Variants in DLGAP4 observed in about 807,000 individuals in gnomAD.
DLGAP4 encodes the protein disks large-associated protein 4.
In DLGAP4, 18 loss-of-function variants were observed where a neutral mutation model predicts 86.9. The observed-to-expected ratio is 0.21, with a 90% CI of 0.14 to 0.31. The LOEUF is 0.31. DLGAP4 is among the 10% of genes least tolerant of loss of function. The pLI is 1.00. For synonymous variants in DLGAP4, 548 were observed against 574.3 expected (o/e 0.95, Z 0.65); for missense variants, 1,085 against 1,362.6 (o/e 0.80, Z 3.21).
chr20:36,381,240 C>G (rs2031382129), intron 2 of DLGAP4, among the ~76,000 whole-genome samples: 2 of 152,240 alleles, frequency 1.3e-5, no homozygotes, highest in Non-Finnish European at 2.9e-5. Context: ...ATGACAGTGA[C>G]AGTCCCTGCC....
chr20:36,506,082 T>C (rs1381107553), intron 10 of DLGAP4, among the ~76,000 whole-genome samples: 2 of 152,192 alleles, frequency 1.3e-5, no homozygotes, highest in African/African-American at 4.8e-5. Context: ...AAACTTAGTG[T>C]ATATTTTACT....
intron 1 of DLGAP4, among the ~76,000 whole-genome samples, chr20:36,346,584 G>A (rs2029948068): frequency 6.6e-6 from 1 of 152,030 alleles, no homozygotes; most frequent in African/African-American, 2.4e-5. Context: ...GGGATGAGCT[G>A]GTAGATGATA....
chr20:36,324,346 G>C (rs1271966783), intron 1 of DLGAP4, among the ~76,000 whole-genome samples: 1 of 152,082 alleles, frequency 6.6e-6, no homozygotes, highest in Non-Finnish European at 1.5e-5. Flanking sequence ...AGAATCACTT[G>C]AACCCGGGAG....
chr20:36,431,961 G>C lies in DLGAP4; in HGVS notation c.244G>C (p.Val82Leu). The change falls in exon 3 of 13, where the codon GTG becomes CTG. Residue 82 changes from valine to leucine, a missense_variant. This residue lies in a region of DLGAP4 where 1,082 missense variants were observed against 1,344.1 expected (regional missense o/e 0.81). Coordinates refer to ENST00000339266, the MANE Select transcript of DLGAP4 (RefSeq NM_001365621.2). The surrounding 1 kb of genome is among the most constrained non-coding windows in gnomAD (Gnocchi z 5.1). ...PRIHYNSHFE[V>L]PEESPFPSHA... ...CATCCACTACAACTCCCACTTCGAG[G>C]TGCCAGAGGAGAGCCCCTTCCCCAG... is the stretch of plus-strand genomic sequence containing the variant. The C allele has an allele frequency of 1.9e-6, 3 of 1,614,144 alleles. No individual in the cohort carries two copies. Among genetic ancestry groups the C allele is most frequent in the Non-Finnish European group, 2.5e-6 (3 of 1,180,016 alleles).
At chr20:36,456,458 G>A (rs1376924596) in intron 7 of DLGAP4, among the ~76,000 whole-genome samples, 1 of 152,218 alleles carries the variant, frequency 6.6e-6, no homozygotes, top group Non-Finnish European at 1.5e-5. Flanking sequence ...TGGTGCAGTG[G>A]TCTAGGTAAG....
intron 10 of DLGAP4, among the ~76,000 whole-genome samples, chr20:36,514,792 A>G (rs566969709): frequency 6.9e-4 from 105 of 152,192 alleles, no homozygotes; most frequent in African/African-American, 2.3e-3. Context: ...AAGGGAGCTT[A>G]TTATGCTGGA....
intron 7 of DLGAP4, among the ~76,000 whole-genome samples, chr20:36,491,426 T>C (rs1305018363): frequency 6.6e-6 from 1 of 152,028 alleles, no homozygotes; most frequent in Non-Finnish European, 1.5e-5. Flanking sequence ...ATGAGGGACC[T>C]GCATGGCTGA....
chr20:36,400,929 G>A (rs1358199476), intron 2 of DLGAP4, among the ~76,000 whole-genome samples: 1 of 152,150 alleles, frequency 6.6e-6, no homozygotes, highest in African/African-American at 2.4e-5. Context: ...GGAATCAGAG[G>A]TGAGGGGCAA....
chr20:36,391,171 C>G (rs953777000), intron 2 of DLGAP4, among the ~76,000 whole-genome samples: 3 of 152,140 alleles, frequency 2.0e-5, no homozygotes, highest in African/African-American at 7.2e-5. Flanking sequence ...GCCCCCGACA[C>G]CCTGGCCTCA....
intron 1 of DLGAP4, among the ~76,000 whole-genome samples, chr20:36,331,957 T>C (rs2065272822): frequency 1.4e-5 from 2 of 140,066 alleles, no homozygotes; most frequent in South Asian, 4.6e-4. Context: ...CATGTTCAGA[T>C]GCGGCTGGAA....
rs919159830 is a variant in DLGAP4, at chr20:36,527,137, G to A, written c.*106G>A. 1.6e-6 allele frequency: 2 copies of A among 1,234,144 alleles called. No individual in the cohort carries two copies. Among genetic ancestry groups the A allele is most frequent in the South Asian group, 3.7e-5 (2 of 53,998 alleles). The allele number at this position is 1,234,144 out of a possible 1,614,324, so 76.4% of individuals were successfully genotyped here. ...CTTTGCTATGGTTATTCTGTCTAGA[G>A]ACCCTGAGCCAACTTTCAAATTGAC... On this transcript the variant is annotated 3_prime_UTR_variant, in exon 13 of 13. Coordinates refer to ENST00000339266, the MANE Select transcript of DLGAP4 (RefSeq NM_001365621.2).
chr20:36,327,804 G>C (rs1398998551), intron 1 of DLGAP4, among the ~76,000 whole-genome samples: 2 of 147,140 alleles, frequency 1.4e-5, no homozygotes, highest in Non-Finnish European at 1.5e-5. Flanking sequence ...TTTTAGCCGG[G>C]ATGGTCTCGA....
intron 1 of DLGAP4, among the ~76,000 whole-genome samples, chr20:36,335,060 G>T (rs1555891944): frequency 2.0e-5 from 3 of 152,166 alleles, no homozygotes; most frequent in African/African-American, 7.2e-5. Flanking sequence ...AAAGCTGCAG[G>T]TTGGAGCTGG....
At chr20:36,501,879 C>T (rs1410266491) in intron 10 of DLGAP4, among the ~76,000 whole-genome samples, 1 of 152,120 alleles carries the variant, frequency 6.6e-6, no homozygotes, top group Admixed American at 6.6e-5. Context: ...TAACTTTTTA[C>T]AATAATAGTA....
intron 2 of DLGAP4, among the ~76,000 whole-genome samples, chr20:36,420,904 C>T (rs1402308907): frequency 6.6e-6 from 1 of 151,060 alleles, no homozygotes; most frequent in African/African-American, 2.4e-5. Context: ...ACCTGGGAGG[C>T]GGAGGTTTCA....
chr20:36,388,949 C>G (rs1444799528), intron 2 of DLGAP4, among the ~76,000 whole-genome samples: 7 of 152,152 alleles, frequency 4.6e-5, no homozygotes, highest in African/African-American at 1.7e-4. Flanking sequence ...ACTAGGATGA[C>G]AGGATTTGCT....
chr20:36,350,262 C>G lies in DLGAP4; in HGVS notation c.-303-16783C>G, dbSNP rs1555893368. On this transcript the variant is annotated intron_variant, in intron 1 of 12. Transcript: ENST00000339266. The surrounding 1 kb of genome is among the most constrained non-coding windows in gnomAD (Gnocchi z 4.4). ...TCAGTTTCTCTTTGTGTGCTAGAGA[C>G]AGTTTCCTTGTGGATATAGGGTAGC... Among the ~76,000 whole-genome samples, 3 of 152,188 alleles carry G rather than the reference C, an allele frequency of 2.0e-5. No homozygotes were observed. Among genetic ancestry groups the G allele is most frequent in the African/African-American group, 7.2e-5 (3 of 41,440 alleles).
At chr20:36,436,074 C>T (rs776096892) in intron 3 of DLGAP4, 35 bp from the exon 4 acceptor site, 16 of 1,515,318 alleles carry the variant, frequency 1.1e-5, no homozygotes, top group African/African-American at 1.4e-5. Flanking sequence ...TCATTTTCTG[C>T]GGTGGCCCCA....
intron 2 of DLGAP4, among the ~76,000 whole-genome samples, chr20:36,382,531 T>TC (rs1293302392): frequency 1.5e-5 from 2 of 135,966 alleles, no homozygotes; most frequent in African/African-American, 2.8e-5. Context: ...TTTTTTCTTT[T>TC]TTTTTTTTTT....
Sources: gnomAD v4.1 joint callset for allele counts (sites outside exome capture counted in the v4.1 genomes callset) on GRCh38, gnomAD v4.1.1 for gene constraint, gnomAD v4.1.1 regional missense constraint, Gnocchi (gnomAD v3.1) non-coding constraint, MANE v1.5 for transcripts, NCBI Gene and HGNC (gene_info 2026-07-23, HGNC 2026-07-21) for gene names.